The following PDZRN4 variants were observed in gnomAD, a reference collection of about 807,000 sequenced individuals.
PDZRN4 encodes PDZ domain containing ring finger 4.
In PDZRN4, 70 loss-of-function variants were observed where a neutral mutation model predicts 99.0. The observed-to-expected ratio is 0.71, with a 90% CI of 0.58 to 0.86. The LOEUF is 0.86. Ranked by LOEUF, PDZRN4 falls within the 40% of genes least tolerant of loss-of-function variation. PDZRN4 has a pLI of 0.00. For missense variants in PDZRN4, 1,474 were observed against 1,331.2 expected, an observed-to-expected ratio of 1.11 and a Z score of -1.67; for synonymous variants, 551 against 501.6, an observed-to-expected ratio of 1.10 and a Z score of -1.32.
rs138448538 is a variant in PDZRN4, at chr12:41,268,737, C to A, written c.843+74549C>A. On this transcript the variant is annotated intron_variant, in intron 3 of 9. Coordinates refer to ENST00000402685, the MANE Select transcript of PDZRN4 (RefSeq NM_001164595.2). ...AATTTTAGAGTCAGACTAATGAAATCTCCATTTTTTAGCAATGTTAATATT... is the reference window on the plus strand; with the variant it reads ...AATTTTAGAGTCAGACTAATGAAATATCCATTTTTTAGCAATGTTAATATT... Among the ~76,000 whole-genome samples, 110 of 152,250 alleles carry A rather than the reference C, an allele frequency of 7.2e-4. 1 individual carries two copies. The highest frequency in any genetic ancestry group is 3.4e-3 in the Middle Eastern group (1 of 294).
At chr12:41,452,791 A>G (rs527498494) in intron 3 of PDZRN4, among the ~76,000 whole-genome samples, 1 of 152,306 alleles carries the variant, frequency 6.6e-6, no homozygotes, top group South Asian at 2.1e-4. Flanking sequence ...AGTTGTTAAT[A>G]TTTCATTTAG....
intron 3 of PDZRN4, among the ~76,000 whole-genome samples, chr12:41,443,797 G>A (rs773708988): frequency 6.6e-6 from 1 of 152,130 alleles, no homozygotes; most frequent in Non-Finnish European, 1.5e-5. Flanking sequence ...AGTGTGTTCT[G>A]AAAAGGAAGA....
intron 3 of PDZRN4, among the ~76,000 whole-genome samples, chr12:41,200,779 G>A (rs940391756): frequency 6.6e-6 from 1 of 152,012 alleles, no homozygotes; most frequent in Non-Finnish European, 1.5e-5. Context: ...ATCATCCTGG[G>A]CACCTGGCAA....
At chr12:41,535,520 C>G (rs1488556389) in intron 5 of PDZRN4, among the ~76,000 whole-genome samples, 4 of 152,162 alleles carry the variant, frequency 2.6e-5, no homozygotes, top group African/African-American at 9.7e-5. Context: ...CCTTTTCACT[C>G]AGGCCAAAAT....
intron 3 of PDZRN4, among the ~76,000 whole-genome samples, chr12:41,381,632 A>G (rs1380478831): frequency 6.6e-6 from 1 of 151,772 alleles, no homozygotes; most frequent in East Asian, 1.9e-4. Flanking sequence ...TTGTTCATTT[A>G]TTGTTTTTCT....
chr12:41,456,625 GTAAA>G (rs1952818999), intron 3 of PDZRN4, among the ~76,000 whole-genome samples: 9 of 152,156 alleles, frequency 5.9e-5, no homozygotes, highest in Admixed American at 4.6e-4. Flanking sequence ...TAATGAATGA[GTAAA>G]TGAATGAATG....
intron 3 of PDZRN4, among the ~76,000 whole-genome samples, chr12:41,439,402 G>A (rs899622430): frequency 6.6e-6 from 1 of 152,070 alleles, no homozygotes; most frequent in Non-Finnish European, 1.5e-5. Flanking sequence ...GTTTCTCTTT[G>A]GGTGGTGGAG....
intron 3 of PDZRN4, among the ~76,000 whole-genome samples, chr12:41,240,786 C>T (rs144521445): frequency 3.3e-5 from 5 of 152,182 alleles, no homozygotes; most frequent in South Asian, 2.1e-4. Flanking sequence ...TTGATATAAG[C>T]GCACTAATCC....
chr12:41,226,423 A>T (rs920146968), intron 3 of PDZRN4, among the ~76,000 whole-genome samples: 3 of 152,164 alleles, frequency 2.0e-5, no homozygotes, highest in Middle Eastern at 3.4e-3. Flanking sequence ...GGTTTTGTTC[A>T]CTGCAAAGAA....
chr12:41,342,714 T>C (rs1263181775), intron 3 of PDZRN4, among the ~76,000 whole-genome samples: 1 of 151,836 alleles, frequency 6.6e-6, no homozygotes, highest in Admixed American at 6.6e-5. Context: ...AAAATATATA[T>C]TGGCAAATAT....
At chr12:41,568,359 G>A (rs1239119377) in intron 9 of PDZRN4, among the ~76,000 whole-genome samples, 1 of 152,150 alleles carries the variant, frequency 6.6e-6, no homozygotes, top group African/African-American at 2.4e-5. Context: ...TTTGCGTACT[G>A]GATGGCGTGA....
intron 3 of PDZRN4, among the ~76,000 whole-genome samples, chr12:41,387,991 T>C (rs34892771): frequency 0.37 from 55,947 of 152,082 alleles, 10,786 homozygotes; most frequent in South Asian, 0.49. Context: ...CTTGCAACAC[T>C]ATCCACAATA....
intron 3 of PDZRN4, among the ~76,000 whole-genome samples, chr12:41,210,233 G>C (rs1321099677): frequency 6.6e-6 from 1 of 151,974 alleles, no homozygotes; most frequent in Non-Finnish European, 1.5e-5. Context: ...GTTCATTGTA[G>C]ATTCTGGATA....
chr12:41,298,775 T>C (rs1951512093), intron 3 of PDZRN4, among the ~76,000 whole-genome samples: 1 of 152,210 alleles, frequency 6.6e-6, no homozygotes, highest in Non-Finnish European at 1.5e-5. Flanking sequence ...ATAAATGTTC[T>C]AGATTATAAT....
At chr12:41,429,016 G>T (rs746046437) in intron 3 of PDZRN4, among the ~76,000 whole-genome samples, 1 of 152,152 alleles carries the variant, frequency 6.6e-6, no homozygotes, top group Non-Finnish European at 1.5e-5. Flanking sequence ...TGGAGAAACA[G>T]TTATGGGGGA....
In PDZRN4 at chr12:41,316,456, A is replaced by ATGTGTGTGTG. The variant is rs71081722; in HGVS notation, c.843+122298_843+122307dup. Among the ~76,000 whole-genome samples, 1,255 of 144,516 alleles carry ATGTGTGTGTG rather than the reference A, an allele frequency of 8.7e-3. 14 individuals carry two copies. Among genetic ancestry groups the ATGTGTGTGTG allele is most frequent in the African/African-American group, 0.022 (882 of 39,290 alleles). 94.8% of individuals were successfully genotyped at this position (144,516 alleles called of 152,430 possible). A position where few individuals can be genotyped will look rare whatever the true frequency, so the allele number is the denominator to read the frequency against. ...TATGATTACTAGAGGAAAAAGGCAA[A>ATGTGTGTGTG]TGTGTGTGTGTGTGTGTGTGTGTGT... is the stretch of plus-strand genomic sequence containing the variant. On this transcript the variant is annotated intron_variant, in intron 3 of 9. Coordinates refer to ENST00000402685, the MANE Select transcript of PDZRN4 (RefSeq NM_001164595.2).
intron 3 of PDZRN4, among the ~76,000 whole-genome samples, chr12:41,469,442 A>G (rs1952963896): frequency 6.6e-6 from 1 of 152,238 alleles, no homozygotes. Flanking sequence ...ATGAAAATGA[A>G]CACCGAGTTA....
intron 3 of PDZRN4, among the ~76,000 whole-genome samples, chr12:41,402,747 GATTA>G (rs557735625): frequency 1.7e-4 from 25 of 146,566 alleles, no homozygotes; most frequent in Non-Finnish European, 3.4e-4. Flanking sequence ...ACTTATGATT[GATTA>G]GAGGTAAAAA....
chr12:41,200,887 T>G (rs890302316), intron 3 of PDZRN4, among the ~76,000 whole-genome samples: 1 of 152,124 alleles, frequency 6.6e-6, no homozygotes, highest in Non-Finnish European at 1.5e-5. Flanking sequence ...GTTTGTTCCA[T>G]CGTAGTATCC....
Sources: gnomAD v4.1 joint callset for allele counts (sites outside exome capture counted in the v4.1 genomes callset) on GRCh38, gnomAD v4.1.1 for gene constraint, MANE v1.5 for transcripts, NCBI Gene and HGNC (gene_info 2026-07-23, HGNC 2026-07-21) for gene names.